Variants in NRG3 observed in about 807,000 individuals in gnomAD.
The protein encoded by NRG3 is neuregulin 3.
In NRG3, 31 loss-of-function variants were observed where a neutral mutation model predicts 66.9. The observed-to-expected ratio is 0.46, with a 90% CI of 0.35 to 0.63. NRG3 has a LOEUF of 0.63. Ranked by LOEUF, NRG3 falls within the 20% of genes least tolerant of loss-of-function variation. The probability of loss-of-function intolerance (pLI) is 0.00; values close to 1 mark genes in which losing one functional copy is unlikely to be tolerated. For synonymous variants in NRG3, 393 were observed against 359.4 expected (o/e 1.09, Z -1.06); for missense variants, 910 against 878.9 (o/e 1.04, Z -0.45).
At chr10:82,892,676 T>TAAAC (rs1370693578) in intron 4 of NRG3, among the ~76,000 whole-genome samples, 2 of 149,644 alleles carry the variant, frequency 1.3e-5, no homozygotes, top group African/African-American at 2.5e-5. Context: ...AATAAATAAA[T>TAAAC]AAATAAATAA....
intron 2 of NRG3, among the ~76,000 whole-genome samples, chr10:82,361,528 C>T (rs2084141556): frequency 6.6e-6 from 1 of 152,162 alleles, no homozygotes; most frequent in Admixed American, 6.5e-5. Context: ...TTTTGTACAG[C>T]ACTCTATTTA....
At chr10:82,863,464 A>G (rs1352289167) in intron 3 of NRG3, among the ~76,000 whole-genome samples, 3 of 152,172 alleles carry the variant, frequency 2.0e-5, no homozygotes, top group Admixed American at 6.5e-5. Context: ...TGAACTAATT[A>G]CACTCCCAAC....
At chr10:82,151,781 TA>T (rs2070767033) in intron 1 of NRG3, among the ~76,000 whole-genome samples, 3 of 152,272 alleles carry the variant, frequency 2.0e-5, no homozygotes, top group South Asian at 2.1e-4. Context: ...CACTGTCCCA[TA>T]AAAAAAGCAT....
chr10:82,226,568 T>C (rs1421757238), intron 1 of NRG3, among the ~76,000 whole-genome samples: 1 of 152,178 alleles, frequency 6.6e-6, no homozygotes, highest in Admixed American at 6.5e-5. Context: ...CTAGCCCTTA[T>C]ATCCTAGAAT....
intron 2 of NRG3, among the ~76,000 whole-genome samples, chr10:82,359,074 C>CTAA (rs1564836375): frequency 6.6e-6 from 1 of 152,182 alleles, no homozygotes; most frequent in East Asian, 1.9e-4. Context: ...AAAGTAGTTA[C>CTAA]GGTTTAAGTT....
intron 3 of NRG3, among the ~76,000 whole-genome samples, chr10:82,824,069 C>T (rs2062074088): frequency 6.6e-6 from 1 of 152,132 alleles, no homozygotes; most frequent in African/African-American, 2.4e-5. Context: ...AACCACTAAT[C>T]TACTTTCTGT....
At chr10:82,110,960 T>G (rs2067350605) in intron 1 of NRG3, among the ~76,000 whole-genome samples, 1 of 152,208 alleles carries the variant, frequency 6.6e-6, no homozygotes. Flanking sequence ...AAAGTTACTT[T>G]GCTAACAAAG....
intron 1 of NRG3, among the ~76,000 whole-genome samples, chr10:82,006,144 A>C (rs1175709169): frequency 6.6e-6 from 1 of 152,042 alleles, no homozygotes; most frequent in African/African-American, 2.4e-5. Flanking sequence ...TTTACAATCT[A>C]AAGAGGATAA....
At chr10:82,900,299 A>C (rs1396948840) in intron 4 of NRG3, among the ~76,000 whole-genome samples, 2 of 152,186 alleles carry the variant, frequency 1.3e-5, no homozygotes, top group African/African-American at 2.4e-5. Context: ...CACGCATCCA[A>C]TCTGGATTGC....
At chr10:82,892,508 T>A (rs1843245897) in intron 4 of NRG3, among the ~76,000 whole-genome samples, 1 of 151,760 alleles carries the variant, frequency 6.6e-6, no homozygotes, top group African/African-American at 2.4e-5. Context: ...CTACAAAAAA[T>A]TTTAAAAATT....
rs1258846158 is a variant in NRG3 at position 82,688,974 on chromosome 10, T to C, written c.954-49603T>C. ...TAAACGCAACTCTATAATTTGTATA[T>C]CTGAATCCTGATCTTTTAAAGCTTT... is the stretch of plus-strand genomic sequence containing the variant. On this transcript the variant is annotated intron_variant, in intron 2 of 8. Transcript: ENST00000372141. Among the ~76,000 whole-genome samples the C allele has an allele frequency of 2.6e-5, 4 of 152,310 alleles. No homozygotes were observed. In the South Asian group the frequency reaches 8.3e-4, roughly 32 times the overall value.
intron 1 of NRG3, among the ~76,000 whole-genome samples, chr10:82,065,349 A>T (rs564232830): frequency 6.6e-6 from 1 of 152,330 alleles, no homozygotes; most frequent in South Asian, 2.1e-4. Flanking sequence ...TGATGTGTAT[A>T]AATAGAGTGG....
intron 1 of NRG3, among the ~76,000 whole-genome samples, chr10:81,986,680 A>T (rs2060530941): frequency 2.0e-5 from 3 of 152,116 alleles, no homozygotes. Context: ...TGTCTTATTC[A>T]TTTGAATTTT....
intron 3 of NRG3, among the ~76,000 whole-genome samples, chr10:82,765,552 C>G (rs950286086): frequency 6.6e-6 from 1 of 152,080 alleles, no homozygotes; most frequent in Non-Finnish European, 1.5e-5. Flanking sequence ...TAAATTAACA[C>G]TATTTTCCAG....
intron 2 of NRG3, among the ~76,000 whole-genome samples, chr10:82,560,568 G>A (rs1286177079): frequency 6.6e-6 from 1 of 150,532 alleles, no homozygotes; most frequent in East Asian, 2.0e-4. Flanking sequence ...GTTTTATCTA[G>A]ATTTATTATG....
chr10:82,269,218 C>T (rs780710694), intron 1 of NRG3, among the ~76,000 whole-genome samples: 16 of 152,114 alleles, frequency 1.1e-4, no homozygotes, highest in Non-Finnish European at 2.2e-4. Context: ...TTCAGTTTCA[C>T]TTTAGCCTCT....
chr10:82,076,459 G>A (rs2065096104), intron 1 of NRG3, among the ~76,000 whole-genome samples: 1 of 152,288 alleles, frequency 6.6e-6, no homozygotes, highest in African/African-American at 2.4e-5. Flanking sequence ...GATGACTCAG[G>A]AATAAACCTG....
At chr10:82,629,058 C>A (rs1175016138) in intron 2 of NRG3, among the ~76,000 whole-genome samples, 1 of 152,042 alleles carries the variant, frequency 6.6e-6, no homozygotes, top group Non-Finnish European at 1.5e-5. Flanking sequence ...TAATATCTAT[C>A]TTTTAGATTT....
intron 3 of NRG3, among the ~76,000 whole-genome samples, chr10:82,807,941 T>C (rs1014262966): frequency 6.6e-6 from 1 of 152,186 alleles, no homozygotes; most frequent in Non-Finnish European, 1.5e-5. Context: ...TTTTTCTTTC[T>C]TTACCTAAAT....
Sources: gnomAD v4.1 joint callset for allele counts (sites outside exome capture counted in the v4.1 genomes callset) on GRCh38, gnomAD v4.1.1 for gene constraint, MANE v1.5 for transcripts, NCBI Gene and HGNC (gene_info 2026-07-23, HGNC 2026-07-21) for gene names.